The following ENOX1 variants were observed in gnomAD, a reference collection of about 807,000 sequenced individuals.
The protein encoded by ENOX1 is candidate growth-related and time keeping constitutive hydroquinone (NADH) oxidase.
In ENOX1, 42 loss-of-function variants were observed where a neutral mutation model predicts 82.5. The observed-to-expected ratio is 0.51, with a 90% CI of 0.40 to 0.66. The LOEUF (loss-of-function observed/expected upper bound fraction) is 0.66, where lower values mean the gene tolerates loss of function less well. Among genes scored for constraint, ENOX1 ranks in the 30% least tolerant of loss-of-function variants. The pLI, the probability that ENOX1 is intolerant of heterozygous loss-of-function variation, is 0.00. For synonymous variants in ENOX1, 271 were observed against 282.2 expected, an observed-to-expected ratio of 0.96 and a Z score of 0.40; for missense variants, 608 against 811.6, an observed-to-expected ratio of 0.75 and a Z score of 3.05.
At chr13:43,481,411 G>C (rs2058504001) in intron 3 of ENOX1, among the ~76,000 whole-genome samples, 1 of 152,064 alleles carries the variant, frequency 6.6e-6, no homozygotes, top group African/African-American at 2.4e-5. Flanking sequence ...CCACAAAAGT[G>C]TAAGAACTTA....
chr13:43,289,122 G>A (rs1030914400), intron 12 of ENOX1, among the ~76,000 whole-genome samples: 4 of 152,086 alleles, frequency 2.6e-5, no homozygotes, highest in South Asian at 2.1e-4. Flanking sequence ...AAGAATCAAT[G>A]TCATAACAAT....
intron 2 of ENOX1, among the ~76,000 whole-genome samples, chr13:43,530,016 C>T (rs2078143754): frequency 1.3e-5 from 2 of 152,098 alleles, no homozygotes; most frequent in Non-Finnish European, 2.9e-5. Context: ...GAATCAGTGA[C>T]TAAAGTCAGA....
At chr13:43,762,114 T>C (rs1207524490) in intron 1 of ENOX1, among the ~76,000 whole-genome samples, 1 of 152,186 alleles carries the variant, frequency 6.6e-6, no homozygotes, top group African/African-American at 2.4e-5. Context: ...GAAGAATTCA[T>C]CTGGCAACAT....
intron 6 of ENOX1, among the ~76,000 whole-genome samples, chr13:43,360,391 C>A (rs1053070240): frequency 6.6e-6 from 1 of 152,054 alleles, no homozygotes; most frequent in African/African-American, 2.4e-5. Context: ...CAAAACATGA[C>A]GAAATGACAA....
chr13:43,643,646 T>C lies in ENOX1; in HGVS notation c.-219+23833A>G, dbSNP rs567483669. On this transcript the variant is annotated intron_variant, in intron 2 of 16. Coordinates refer to ENST00000690772, the MANE Select transcript of ENOX1 (RefSeq NM_001347969.2). ...GTATGTGTGTGTGTATATATATATA[T>C]ATACACACACATATATATATACATG... is the stretch of plus-strand genomic sequence containing the variant. 1.3e-4 allele frequency among the ~76,000 whole-genome samples: 20 copies of C among 151,280 alleles called. No homozygotes were observed. In the South Asian group the frequency reaches 2.5e-3, roughly 19 times the overall value.
At chr13:43,743,147 C>A (rs1025567713) in intron 1 of ENOX1, among the ~76,000 whole-genome samples, 1 of 152,150 alleles carries the variant, frequency 6.6e-6, no homozygotes, top group African/African-American at 2.4e-5. Context: ...AGAACAAGTT[C>A]AGGGTTGCCC....
At chr13:43,265,532 A>T (rs987029791) in intron 13 of ENOX1, 78 bp from the exon 14 acceptor site, 1 of 1,221,526 alleles carries the variant, frequency 8.2e-7, no homozygotes, top group African/African-American at 1.5e-5. Flanking sequence ...TCATCTTGTT[A>T]ACTGATTTAT....
chr13:43,572,321 C>T (rs577982972), intron 2 of ENOX1, among the ~76,000 whole-genome samples: 2 of 152,238 alleles, frequency 1.3e-5, no homozygotes, highest in East Asian at 3.9e-4. Flanking sequence ...AATTGTTTGG[C>T]TCAAATAACA....
chr13:43,479,144 G>T (rs1160825718), intron 3 of ENOX1, among the ~76,000 whole-genome samples: 1 of 152,114 alleles, frequency 6.6e-6, no homozygotes, highest in Non-Finnish European at 1.5e-5. Flanking sequence ...GAGGCAGAAG[G>T]CAGAAGTGTT....
chr13:43,538,929 T>A (rs957657925), intron 2 of ENOX1, among the ~76,000 whole-genome samples: 31 of 151,998 alleles, frequency 2.0e-4, no homozygotes, highest in Non-Finnish European at 4.4e-4. Context: ...GCTCAAGCAA[T>A]CCTCTCACAT....
intron 2 of ENOX1, 68 bp downstream of exon 2, chr13:43,667,411 C>G (rs2085035962): frequency 1.0e-6 from 1 of 963,578 alleles, no homozygotes; most frequent in African/African-American, 1.8e-5. Context: ...TATAATTAAA[C>G]TACATCCCTT....
At chr13:43,472,838 A>G (rs1215882790) in intron 3 of ENOX1, among the ~76,000 whole-genome samples, 1 of 152,254 alleles carries the variant, frequency 6.6e-6, no homozygotes, top group Non-Finnish European at 1.5e-5. Flanking sequence ...TTCTAAGTAC[A>G]GAGTAATGAA....
At chr13:43,652,640 G>A (rs2084247839) in intron 2 of ENOX1, among the ~76,000 whole-genome samples, 2 of 152,290 alleles carry the variant, frequency 1.3e-5, no homozygotes, top group South Asian at 4.1e-4. Flanking sequence ...TCCAAATAGT[G>A]TGTGAGAGCA....
intron 1 of ENOX1, among the ~76,000 whole-genome samples, chr13:43,671,166 T>C (rs999489594): frequency 2.8e-4 from 42 of 152,214 alleles, no homozygotes; most frequent in Non-Finnish European, 4.4e-5. Flanking sequence ...ATGTAAGATA[T>C]GTCTGCTTCC....
intron 11 of ENOX1, among the ~76,000 whole-genome samples, chr13:43,308,748 A>G (rs758790243): frequency 2.6e-5 from 4 of 152,184 alleles, no homozygotes; most frequent in Non-Finnish European, 5.9e-5. Flanking sequence ...TTCCCAGGTG[A>G]TTCTCATGTG....
At chr13:43,780,017 T>C (rs895644414) in intron 1 of ENOX1, among the ~76,000 whole-genome samples, 15 of 152,012 alleles carry the variant, frequency 9.9e-5, no homozygotes, top group Non-Finnish European at 1.8e-4. Flanking sequence ...AAAAATTAGC[T>C]GGGCATGGTG....
chr13:43,478,054 G>GTTTTTTTTTT (rs756717438), intron 3 of ENOX1, among the ~76,000 whole-genome samples: 1 of 100,450 alleles, frequency 1.0e-5, no homozygotes. Context: ...AGCCAGAGAG[G>GTTTTTTTTTT]TTTTTTTTTT....
intron 10 of ENOX1, among the ~76,000 whole-genome samples, chr13:43,323,698 T>C (rs989143838): frequency 6.6e-6 from 1 of 152,152 alleles, no homozygotes; most frequent in Admixed American, 6.5e-5. Context: ...AAAAATCAAA[T>C]AGTTAAAATA....
Position 43,361,308 on chromosome 13 carries a change from T to C in ENOX1, c.353A>G (p.Lys118Arg). ...ATTTTGAGGAAAAAGAGTACAGCTT[T>C]TGCAGTGGATTATTTCTTTGACAAC... ...VAVVKEIIHCKSCTLFPQNPN... is the reference protein window; with the variant it reads ...VAVVKEIIHCRSCTLFPQNPN... Residue 118 changes from lysine to arginine, a missense_variant, in exon 6 of 17, where the codon AAA becomes AGA. Transcript: ENST00000690772. 6.2e-7 allele frequency: 1 copy of C among 1,613,948 alleles called. No homozygotes were observed.
Sources: allele counts gnomAD v4.1 joint callset (sites outside exome capture counted in the v4.1 genomes callset), GRCh38; gene constraint gnomAD v4.1.1; transcripts MANE v1.5; gene names NCBI Gene and HGNC (gene_info 2026-07-23, HGNC 2026-07-21).